HIBADH: variants seen among roughly 807,000 people sequenced by gnomAD.
HIBADH encodes the protein 3-hydroxyisobutyrate dehydrogenase, mitochondrial.
HIBADH carries 25 observed loss-of-function variants against 36.1 expected under a neutral mutation model. The ratio of observed to expected loss-of-function variants is 0.69; its 90% confidence interval spans 0.50 to 0.97. HIBADH has a LOEUF of 0.97. Ranked by LOEUF, HIBADH falls within the 50% of genes least tolerant of loss-of-function variation. The pLI is 0.00. For synonymous variants in HIBADH, 160 were observed against 149.5 expected, an observed-to-expected ratio of 1.07 and a Z score of -0.51; for missense variants, 421 against 418.0, an observed-to-expected ratio of 1.01 and a Z score of -0.06.
chr7:27,562,313 A>G (rs1784479822), intron 4 of HIBADH, among the ~76,000 whole-genome samples: 1 of 152,364 alleles, frequency 6.6e-6, no homozygotes, highest in South Asian at 2.1e-4. Context: ...TTCATAGAAC[A>G]GAAGACCTTT....
chr7:27,553,832 C>T (rs560133074), intron 4 of HIBADH, among the ~76,000 whole-genome samples: 11 of 152,210 alleles, frequency 7.2e-5, no homozygotes, highest in African/African-American at 2.6e-4. Context: ...TATCTTTCAG[C>T]TTTAAAAGTC....
At chr7:27,581,763 A>C (rs1437904117) in intron 4 of HIBADH, among the ~76,000 whole-genome samples, 1 of 152,084 alleles carries the variant, frequency 6.6e-6, no homozygotes, top group African/African-American at 2.4e-5. Context: ...TGGATCCTTC[A>C]GCACTTAAAG....
chr7:27,593,941 T>C (rs1784983651), intron 4 of HIBADH, among the ~76,000 whole-genome samples: 1 of 151,338 alleles, frequency 6.6e-6, no homozygotes, highest in African/African-American at 2.4e-5. Flanking sequence ...GAGAATGGTA[T>C]GAACCCGGGA....
rs3219776 is a variant in HIBADH at position 27,595,579 on chromosome 7, GGTGTGTGTGTGTGTGT to G, written c.484+33776_484+33791del. On this transcript the variant is annotated intron_variant, in intron 4 of 7. Coordinates refer to ENST00000265395, the MANE Select transcript of HIBADH (RefSeq NM_152740.4). ...ATACAGTGTAATTTCCATAAGGGCAGGTGTGTGTGTGTGTGTGTGTGTGTGTGTGTGTGTGTGTGTG... is the reference window on the plus strand; with the variant it reads ...ATACAGTGTAATTTCCATAAGGGCAGGTGTGTGTGTGTGTGTGTGTGTGTG... 7.3e-3 allele frequency among the ~76,000 whole-genome samples: 1,049 copies of G among 143,436 alleles called. 6 individuals are homozygous for G. The highest frequency in any genetic ancestry group is 0.02 in the African/African-American group (787 of 38,882). The allele number at this position is 143,436 out of a possible 152,430, so 94.1% of individuals were successfully genotyped here.
At chr7:27,658,336 A>T (rs1048291198) in intron 1 of HIBADH, among the ~76,000 whole-genome samples, 1 of 152,240 alleles carries the variant, frequency 6.6e-6, no homozygotes, top group African/African-American at 2.4e-5. Flanking sequence ...CAAAGGTGAT[A>T]CTGGTTCACT....
intron 4 of HIBADH, among the ~76,000 whole-genome samples, chr7:27,619,763 A>G (rs1247549944): frequency 2.0e-5 from 3 of 152,228 alleles, no homozygotes; most frequent in Non-Finnish European, 4.4e-5. Flanking sequence ...TAATGCAGTC[A>G]GACAAAAATA....
chr7:27,627,397 C>A (rs1474476196), intron 4 of HIBADH, among the ~76,000 whole-genome samples: 4 of 152,138 alleles, frequency 2.6e-5, no homozygotes, highest in Non-Finnish European at 5.9e-5. Flanking sequence ...AGACCCTTTA[C>A]AAGCTCCATC....
intron 7 of HIBADH, among the ~76,000 whole-genome samples, chr7:27,528,088 T>C (rs898025896): frequency 6.6e-6 from 1 of 151,876 alleles, no homozygotes; most frequent in Non-Finnish European, 1.5e-5. Flanking sequence ...ATGTTACTAT[T>C]GAAACTGTTT....
chr7:27,638,664 C>A (rs1785901202), intron 2 of HIBADH, among the ~76,000 whole-genome samples: 1 of 151,928 alleles, frequency 6.6e-6, no homozygotes, highest in South Asian at 2.1e-4. Context: ...AGACAACCTA[C>A]CTAATGGGAG....
At chr7:27,568,920 A>ATT in intron 4 of HIBADH, among the ~76,000 whole-genome samples, 1 of 73,180 alleles carries the variant, frequency 1.4e-5, no homozygotes, top group Non-Finnish European at 2.5e-5. Context: ...TTTTTTTCCA[A>ATT]ATTTTTTTTT....
chr7:27,575,450 T>C (rs147529679), intron 4 of HIBADH, among the ~76,000 whole-genome samples: 44 of 151,854 alleles, frequency 2.9e-4, no homozygotes, highest in African/African-American at 9.4e-4. Flanking sequence ...GGATCCAGAG[T>C]GTGGAGAGCC....
chr7:27,628,518 T>C (rs909958523), intron 4 of HIBADH, among the ~76,000 whole-genome samples: 1 of 152,120 alleles, frequency 6.6e-6, no homozygotes, highest in Non-Finnish European at 1.5e-5. Flanking sequence ...AGCCATACTA[T>C]AATCCTGCCA....
chr7:27,661,585 C>CAAAAA (rs61214015), intron 1 of HIBADH, among the ~76,000 whole-genome samples: 2 of 68,736 alleles, frequency 2.9e-5, no homozygotes, highest in Non-Finnish European at 5.2e-5. Context: ...GACCCTGTCT[C>CAAAAA]AAAAAAAAAA....
At chr7:27,658,441 C>T (rs1470712678) in intron 1 of HIBADH, among the ~76,000 whole-genome samples, 1 of 152,142 alleles carries the variant, frequency 6.6e-6, no homozygotes, top group Non-Finnish European at 1.5e-5. Flanking sequence ...TTTATAGATG[C>T]AAATTTACCG....
intron 2 of HIBADH, among the ~76,000 whole-genome samples, chr7:27,643,460 T>A (rs551075669): frequency 4.6e-5 from 7 of 152,342 alleles, no homozygotes; most frequent in African/African-American, 1.7e-4. Flanking sequence ...GCTCCATGCA[T>A]AATTAACTCA....
chr7:27,543,503 G>T lies in HIBADH; in HGVS notation c.485-403C>A, dbSNP rs142196795. ...CCTGATCAGCAAAGGAGCAGCCAGA[G>T]AGAGGTCTGCTGCCCACGTTTGGAT... is the stretch of plus-strand genomic sequence containing the variant. On this transcript the variant is annotated intron_variant, in intron 4 of 7. Transcript: ENST00000265395. Among the ~76,000 whole-genome samples, 317 of 152,316 alleles carry T rather than the reference G, an allele frequency of 2.1e-3. 2 individuals are homozygous for T. The highest frequency in any genetic ancestry group is 5.0e-3 in the Admixed American group (77 of 15,286).
chr7:27,584,853 T>C (rs898356232), intron 4 of HIBADH, among the ~76,000 whole-genome samples: 1 of 152,070 alleles, frequency 6.6e-6, no homozygotes, highest in African/African-American at 2.4e-5. Context: ...GGGCAGCAGT[T>C]TTACTCACCA....
intron 4 of HIBADH, among the ~76,000 whole-genome samples, chr7:27,598,443 CT>C (rs997157688): frequency 4.6e-5 from 7 of 151,976 alleles, no homozygotes; most frequent in African/African-American, 1.7e-4. Context: ...ATTCCTAAAC[CT>C]TTGTTTTAAA....
At chr7:27,564,791 C>A (rs1022280858) in intron 4 of HIBADH, among the ~76,000 whole-genome samples, 17 of 152,062 alleles carry the variant, frequency 1.1e-4, no homozygotes, top group African/African-American at 4.1e-4. Context: ...TTATTTAGGT[C>A]TTCTTTAACT....
Sources: gnomAD v4.1 joint callset for allele counts (sites outside exome capture counted in the v4.1 genomes callset) on GRCh38, gnomAD v4.1.1 for gene constraint, MANE v1.5 for transcripts, NCBI Gene and HGNC (gene_info 2026-07-23, HGNC 2026-07-21) for gene names.